MYO15A: variants seen among roughly 807,000 people sequenced by gnomAD.
The protein encoded by MYO15A is unconventional myosin-XV.
Under a neutral mutation model 394.6 loss-of-function variants are expected in MYO15A, and 308 were observed. The observed-to-expected ratio is 0.78, with a 90% CI of 0.71 to 0.86. The LOEUF (loss-of-function observed/expected upper bound fraction) is 0.86. Among genes scored for constraint, MYO15A ranks in the 40% least tolerant of loss-of-function variants. The pLI is 0.00. For synonymous variants in MYO15A, 1,957 were observed against 2,003.8 expected (o/e 0.98, Z 0.62); for missense variants, 4,606 against 4,799.1 (o/e 0.96, Z 1.19).
intron 6 of MYO15A, 39 bp from the exon 7 acceptor site, chr17:18,127,036 C>T (rs780654315): frequency 7.4e-6 from 12 of 1,611,812 alleles, no homozygotes; most frequent in Admixed American, 3.3e-5. Flanking sequence ...GAAGAGGCAG[C>T]GAAAGGTTGG....
At position 18,146,137 on chromosome 17, in the gene MYO15A, C is replaced by G. The variant is rs369902012; in HGVS notation, c.6509+30C>G. 3.1e-6 allele frequency: 5 copies of G among 1,604,840 alleles called. No individual in the cohort carries two copies. In the Admixed American group the frequency reaches 8.4e-5, roughly 27 times the overall value. On this transcript the variant is annotated intron_variant, in intron 30 of 65. Transcript: ENST00000647165. Reference sequence around the variant, plus strand: ...GTGGGACTGGATAGGGGCTGGGACACGAGGGACGGTGGCACCAGCAGTGGA... The same window carrying G: ...GTGGGACTGGATAGGGGCTGGGACAGGAGGGACGGTGGCACCAGCAGTGGA...
chr17:18,126,497 C>T lies in MYO15A; in HGVS notation c.3866+41C>T, dbSNP rs902445674. 3.2e-6 allele frequency: 5 copies of T among 1,560,828 alleles called. No individual in the cohort carries two copies. The East Asian group carries it at 6.8e-5, about 21-fold the overall frequency. ...GCGCTGCCCTGGGGTCTCTTGGGCC[C>T]CTCTTTCCCCTGCTCTGGGAGCCTG... is the stretch of plus-strand genomic sequence containing the variant. On this transcript the variant is annotated intron_variant, in intron 5 of 65. Coordinates refer to ENST00000647165, the MANE Select transcript of MYO15A (RefSeq NM_016239.4).
chr17:18,142,143 C>T lies in MYO15A; in HGVS notation c.5714C>T (p.Ala1905Val). The change falls in exon 24 of 66, where the codon GCA becomes GTA. Residue 1905 changes from alanine (A) to valine (V), a missense_variant. This residue lies in a region of MYO15A where 2,776 missense variants were observed against 3,109.3 expected (regional missense o/e 0.89). Coordinates refer to ENST00000647165, the MANE Select transcript of MYO15A (RefSeq NM_016239.4). ...ATGCGAGAGCATGTCCTGAATCTGG[C>T]AGCCCTCACTCTGCAGCGCTGCCTC... ...ESMREHVLNLAALTLQRCLRG... is the reference protein window; with the variant it reads ...ESMREHVLNLVALTLQRCLRG... 6.2e-7 allele frequency: 1 copy of T among 1,613,888 alleles called. No homozygotes were observed. Among genetic ancestry groups the T allele is most frequent in the South Asian group, 1.1e-5 (1 of 91,086 alleles).
In MYO15A at chr17:18,117,729, A is replaced by G. The variant is rs1187247367; in HGVS notation, c.-219-853A>G. 6.6e-6 allele frequency among the ~76,000 whole-genome samples: 1 copy of G among 152,200 alleles called. No individual in the cohort carries two copies. Among genetic ancestry groups the G allele is most frequent in the Non-Finnish European group, 1.5e-5 (1 of 68,036 alleles). On this transcript the variant is annotated intron_variant, in intron 1 of 65. Coordinates refer to ENST00000647165, the MANE Select transcript of MYO15A (RefSeq NM_016239.4). This position sits in a 1 kb window ranked among gnomAD's most constrained non-coding sequence, Gnocchi z 4.1. ...GACATGCAGCCTTAGGTCAGGCCAT[A>G]TGAAGCAATCAGCTATGCCCAGAGA...
chr17:18,179,306 T>A lies in MYO15A; in HGVS notation c.*436T>A. On this transcript the variant is annotated 3_prime_UTR_variant, in exon 66 of 66. Transcript: ENST00000647165. The stretch of plus-strand genomic sequence containing the variant: ...TCCACACCCTAGCCCTTACATGTCC[T>A]CCTAAGGGGCCCCTCCTTGTGCTGC... 4.6e-6 allele frequency: 1 copy of A among 217,302 alleles called. No homozygotes were observed. The highest frequency in any genetic ancestry group is 9.5e-6 in the Non-Finnish European group (1 of 105,346). The allele number at this position is 217,302 out of a possible 1,614,324, so 13.5% of individuals were successfully genotyped here.
In MYO15A at chr17:18,149,572, G is replaced by A. The variant is rs776307761; in HGVS notation, c.7204G>A (p.Gly2402Arg). ...DSLFDPVLSY[G>R]DADLEKPTAI... The stretch of plus-strand genomic sequence containing the variant: ...CCTCTTTGACCCTGTGCTGTCCTAC[G>A]GGGATGCGGTAGGGATGGTGTGGGG... The change falls in exon 35 of 66, where the codon GGG (glycine) becomes AGG (arginine). Residue 2402 changes from glycine (G) to arginine (R), a missense_variant. This residue lies in a region of MYO15A where 2,776 missense variants were observed against 3,109.3 expected (regional missense o/e 0.89). Transcript: ENST00000647165. The A allele has an allele frequency of 1.0e-4, 167 of 1,613,830 alleles. No homozygotes were observed. The highest frequency in any genetic ancestry group is 1.4e-4 in the Non-Finnish European group (161 of 1,179,864).
Position 18,153,799 on chromosome 17 carries a change from C to G in MYO15A, c.7991C>G (p.Pro2664Arg). 6.2e-7 allele frequency: 1 copy of G among 1,613,770 alleles called. No homozygotes were observed. The highest frequency in any genetic ancestry group is 8.5e-7 in the Non-Finnish European group (1 of 1,180,012). Residue 2664 changes from proline (P) to arginine (R), a missense_variant, in exon 43 of 66, where the codon CCC (proline) becomes CGC (arginine). Pro to Arg is a moderately radical substitution (Grantham distance 103). Around this residue, in one of 2 missense-constraint regions of MYO15A, gnomAD observed 2,776 missense variants for 3,109.3 expected, o/e 0.89. Coordinates refer to ENST00000647165, the MANE Select transcript of MYO15A (RefSeq NM_016239.4). This position sits in a 1 kb window ranked among gnomAD's most constrained non-coding sequence, Gnocchi z 4.1. ...TSALPSRSLE[P>R]PEELTQTRLH... ...GCTCTGCCCTCGCGATCGCTGGAGC[C>G]CCCTGAGGAACTCACGCAGACGCGG...
rs1243443452 is a variant in MYO15A, at chr17:18,143,927, C to A, written c.6104C>A (p.Ala2035Asp). Residue 2035 changes from alanine to aspartate, a missense_variant, in exon 28 of 66, where the codon GCT (alanine) becomes GAT (aspartate). By Grantham distance (126) the Ala-to-Asp change is moderately radical. Around this residue, in one of 2 missense-constraint regions of MYO15A, gnomAD observed 2,776 missense variants for 3,109.3 expected, o/e 0.89. Coordinates refer to ENST00000647165, the MANE Select transcript of MYO15A (RefSeq NM_016239.4). ...CCTGTGAGGACTCCTCGACTCCAGG[C>A]TGAGCCCCGTGTCACACTGCCCCTG... is the stretch of plus-strand genomic sequence containing the variant. ...VAPVRTPRLQ[A>D]EPRVTLPLDI... The A allele has an allele frequency of 1.9e-6, 3 of 1,608,954 alleles. No individual in the cohort carries two copies. The highest frequency in any genetic ancestry group is 2.5e-6 in the Non-Finnish European group (3 of 1,177,794).
At chr17:18,116,930 AAAG>A (rs372807201) in intron 1 of MYO15A, among the ~76,000 whole-genome samples, 61,505 of 146,120 alleles carry the variant, frequency 0.42, 13,498 homozygotes, top group South Asian at 0.7. Context: ...AAAAAAAAAA[AAAG>A]AAAGAAAGAA....
At chr17:18,124,726 T>A (rs1294498117) in intron 3 of MYO15A, 161 bp downstream of exon 3, 3 of 702,422 alleles carry the variant, frequency 4.3e-6, no homozygotes, top group Non-Finnish European at 7.1e-6. Context: ...GCTTTGTGAG[T>A]TAGACGGACT....
At chr17:18,138,765 G>T (rs1373180802) in intron 17 of MYO15A, 46 bp from the exon 18 acceptor site, 3 of 1,608,744 alleles carry the variant, frequency 1.9e-6, no homozygotes, top group Non-Finnish European at 2.5e-6. Flanking sequence ...CAGGAACAGG[G>T]TGTCCAGGCC....
intron 1 of MYO15A, among the ~76,000 whole-genome samples, chr17:18,111,446 C>A (rs1056301964): frequency 3.3e-5 from 5 of 151,936 alleles, no homozygotes. Flanking sequence ...CTGCGAACCC[C>A]AAGTGCCCTG....
At position 18,139,559 on chromosome 17, in the gene MYO15A, A is replaced by G; in HGVS notation, c.5159A>G (p.His1720Arg). 2 of 1,614,080 alleles carry G rather than the reference A, an allele frequency of 1.2e-6. No homozygotes were observed. The highest frequency in any genetic ancestry group is 8.5e-7 in the Non-Finnish European group (1 of 1,179,996). Residue 1720 changes from histidine (H) to arginine (R), a missense_variant, in exon 19 of 66, where the codon CAC (histidine) becomes CGC (arginine). Physicochemically the swap from His to Arg is conservative, Grantham distance 29. This residue lies in a region of MYO15A where 2,776 missense variants were observed against 3,109.3 expected (regional missense o/e 0.89). Coordinates refer to ENST00000647165, the MANE Select transcript of MYO15A (RefSeq NM_016239.4). ...YQVHKFLDKNHDQVRQDVLDL... is the reference protein window; with the variant it reads ...YQVHKFLDKNRDQVRQDVLDL... ...GTGCACAAGTTCCTGGACAAGAACC[A>G]CGACCAAGTGCGCCAGGATGTGCTG...
At chr17:18,134,892 A>G (rs1340474093) in intron 12 of MYO15A, among the ~76,000 whole-genome samples, 1 of 145,042 alleles carries the variant, frequency 6.9e-6, no homozygotes, top group Non-Finnish European at 1.5e-5. Flanking sequence ...TTTTCTTTTT[A>G]TTTTTTGAGA....
chr17:18,155,232 G>C lies in MYO15A; in HGVS notation c.8340+7G>C. 6.2e-7 allele frequency: 1 copy of C among 1,613,934 alleles called. No homozygotes were observed. The highest frequency in any genetic ancestry group is 8.5e-7 in the Non-Finnish European group (1 of 1,179,966). ...CCGCATCTTCCCCGCCACGGTGCGAGCCCCTCACTTGCCCCCTACCTGTCC... is the reference window on the plus strand; with the variant it reads ...CCGCATCTTCCCCGCCACGGTGCGACCCCCTCACTTGCCCCCTACCTGTCC... On this transcript the variant is annotated splice_region_variant and intron_variant, in intron 46 of 65. Transcript: ENST00000647165.
rs758701259 is a variant in MYO15A, at chr17:18,121,704, G to C, written c.2904G>C (p.Leu968=). The change falls in exon 2 of 66, where the codon CTG becomes CTC. Residue 968 remains leucine, a synonymous_variant. Coordinates refer to ENST00000647165, the MANE Select transcript of MYO15A (RefSeq NM_016239.4). This position sits in a 1 kb window ranked among gnomAD's most constrained non-coding sequence, Gnocchi z 5.3. The part of the protein sequence containing the change: ...PVPENPFLQL[L]GPVPSPTLQP... ...CGGAAAACCCCTTTCTCCAGCTCCT[G>C]GGCCCTGTGCCATCCCCCACCCTCC... is the stretch of plus-strand genomic sequence containing the variant. 15 of 1,606,658 alleles carry C rather than the reference G, an allele frequency of 9.3e-6. No individual in the cohort carries two copies. Among genetic ancestry groups the C allele is most frequent in the Non-Finnish European group, 1.3e-5 (15 of 1,176,582 alleles).
Position 18,114,241 on chromosome 17 carries a change from C to CTTTTTTTTT in MYO15A, c.-219-4323_-219-4315dup, listed in dbSNP as rs10583154. The stretch of plus-strand genomic sequence containing the variant: ...CACCTTGTGACCACCACAGTCCTGT[C>CTTTTTTTTT]TTTTTTTTTTTTTTTTTTTTTTTTT... On this transcript the variant is annotated intron_variant, in intron 1 of 65. Coordinates refer to ENST00000647165, the MANE Select transcript of MYO15A (RefSeq NM_016239.4). Among the ~76,000 whole-genome samples the CTTTTTTTTT allele has an allele frequency of 2.7e-3, 151 of 55,598 alleles. 44 individuals are homozygous for CTTTTTTTTT. Among genetic ancestry groups the CTTTTTTTTT allele is most frequent in the Non-Finnish European group, 4.2e-3 (130 of 31,160 alleles). The allele number at this position is 55,598 out of a possible 152,430, so 36.5% of individuals were successfully genotyped here. A position where few individuals can be genotyped will look rare whatever the true frequency, so the allele number is the denominator to read the frequency against.
rs1449741131 is a variant in MYO15A at position 18,148,540 on chromosome 17, G to A, written c.6736G>A (p.Glu2246Lys). ...CPVHSWSTGE[E>K]VAGDILRHRG... ...GGTGCACTCCTGGAGTACGGGGGAA[G>A]AGGTGGCTGGAGACATTCTGAGGCA... is the stretch of plus-strand genomic sequence containing the variant. The change falls in exon 32 of 66, where the codon GAG becomes AAG. Residue 2246 changes from glutamate (E) to lysine (K), a missense_variant. Coordinates refer to ENST00000647165, the MANE Select transcript of MYO15A (RefSeq NM_016239.4). This position sits in a 1 kb window ranked among gnomAD's most constrained non-coding sequence, Gnocchi z 4.8. 5 of 1,552,454 alleles carry A rather than the reference G, an allele frequency of 3.2e-6. No homozygotes were observed. Among genetic ancestry groups the A allele is most frequent in the Non-Finnish European group, 4.4e-6 (5 of 1,147,448 alleles).
chr17:18,139,726 G>A, intron 19 of MYO15A, 115 bp downstream of exon 19: 1 of 1,289,598 alleles, frequency 7.8e-7, no homozygotes, highest in African/African-American at 1.5e-5. Context: ...GCTTAGCTTT[G>A]GCCAGACAAA....
Sources: allele counts gnomAD v4.1 joint callset (sites outside exome capture counted in the v4.1 genomes callset), GRCh38; gene constraint gnomAD v4.1.1; regional missense constraint gnomAD v4.1.1; non-coding constraint Gnocchi (gnomAD v3.1); transcripts MANE v1.5; gene names NCBI Gene and HGNC (gene_info 2026-07-23, HGNC 2026-07-21).